Variants in COPZ1 observed in about 807,000 individuals in gnomAD.
COPZ1 encodes the protein coatomer subunit zeta-1.
A neutral mutation model predicts 31.7 loss-of-function variants in COPZ1; 4 were observed. The ratio of observed to expected loss-of-function variants is 0.13; its 90% CI spans 0.06 to 0.29. The LOEUF (loss-of-function observed/expected upper bound fraction) is 0.29, where lower values mean the gene tolerates loss of function less well. Ranked by LOEUF, COPZ1 falls within the 10% of genes least tolerant of loss-of-function variation. The probability of loss-of-function intolerance (pLI) is 1.00; values close to 1 mark genes in which losing one functional copy is unlikely to be tolerated. For missense variants in COPZ1, 156 were observed against 211.5 expected, an observed-to-expected ratio of 0.74 and a Z score of 1.63; for synonymous variants, 74 against 79.0, an observed-to-expected ratio of 0.94 and a Z score of 0.33.
intron 1 of COPZ1, among the ~76,000 whole-genome samples, chr12:54,339,574 T>C (rs1592204623): frequency 6.6e-6 from 1 of 152,080 alleles, no homozygotes; most frequent in East Asian, 1.9e-4. Context: ...GGTCTTGAAC[T>C]GGCCTTAAGC....
intron 1 of COPZ1, among the ~76,000 whole-genome samples, chr12:54,335,412 GT>G (rs36117905): frequency 1.3e-3 from 183 of 142,456 alleles, no homozygotes; most frequent in South Asian, 1.6e-3. Context: ...CTTAGGGAAT[GT>G]TTTTTTTTTT....
At chr12:54,350,410 C>A in intron 8 of COPZ1, 66 bp from the exon 9 acceptor site, 1 of 1,251,044 alleles carries the variant, frequency 8.0e-7, no homozygotes, top group Non-Finnish European at 1.2e-6. Flanking sequence ...GGAAGGAGAT[C>A]CCCAGCCCTC....
chr12:54,332,778 G>A (rs1483273986), intron 1 of COPZ1, among the ~76,000 whole-genome samples: 1 of 151,556 alleles, frequency 6.6e-6, no homozygotes, highest in African/African-American at 2.4e-5. Context: ...GAGGGAGCGT[G>A]GTTGCTGACC....
In COPZ1 at chr12:54,342,174, G is replaced by A. The variant is rs144942588; in HGVS notation, c.88-32G>A. 643 of 1,537,252 alleles carry A rather than the reference G, an allele frequency of 4.2e-4. 2 individuals are homozygous for A. The African/African-American group carries it at 7.9e-3, about 19-fold the overall frequency. Reference sequence around the variant, plus strand: ...AATCATTCTGGCTTCCAGCTCTAGTGACCCAACCCTGTCTTCTTTCCCTCT... The same window carrying A: ...AATCATTCTGGCTTCCAGCTCTAGTAACCCAACCCTGTCTTCTTTCCCTCT... On this transcript the variant is annotated intron_variant, in intron 2 of 8. Transcript: ENST00000262061.
Position 54,337,019 on chromosome 12 carries a change from CAAAAAAAAAAAA to C in COPZ1, c.19-3514_19-3503del, listed in dbSNP as rs1182592654. On this transcript the variant is annotated intron_variant, in intron 1 of 8. Coordinates refer to ENST00000262061, the MANE Select transcript of COPZ1 (RefSeq NM_016057.3). ...CCTGGGTGACAGAGAGAGACTGTCG[CAAAAAAAAAAAA>C]AAAAAAAAAAAAAGAAGCCCCTGAG... is the stretch of plus-strand genomic sequence containing the variant. Among the ~76,000 whole-genome samples, 259 of 61,654 alleles carry C rather than the reference CAAAAAAAAAAAA, an allele frequency of 4.2e-3. 3 individuals carry two copies. In the East Asian group the frequency reaches 0.048, roughly 11 times the overall value. 40.4% of individuals were successfully genotyped at this position (61,654 alleles called of 152,430 possible). A position where few individuals can be genotyped will look rare whatever the true frequency, so the allele number is the denominator to read the frequency against.
intron 1 of COPZ1, among the ~76,000 whole-genome samples, chr12:54,338,790 A>AG (rs1013184588): frequency 6.6e-6 from 1 of 152,374 alleles, no homozygotes; most frequent in East Asian, 1.9e-4. Flanking sequence ...GAATTCAAGT[A>AG]GGGAAAGCTT....
At chr12:54,325,395 G>A in intron 1 of COPZ1, 1 of 630,406 alleles carries the variant, frequency 1.6e-6, no homozygotes, top group Non-Finnish European at 2.7e-6. Flanking sequence ...TAGAGTCGGT[G>A]GAAAGTTGAA....
intron 4 of COPZ1, among the ~76,000 whole-genome samples, chr12:54,344,239 TCAGGAGTTCGCGAC>T (rs1954022228): frequency 1.3e-5 from 2 of 150,970 alleles, no homozygotes; most frequent in South Asian, 4.2e-4. Flanking sequence ...TCACTTGAGG[TCAGGAGTTCGCGAC>T]CAGGCTGGCC....
intron 1 of COPZ1, among the ~76,000 whole-genome samples, chr12:54,337,019 CAA>C (rs1182592654): frequency 3.2e-5 from 2 of 61,646 alleles, no homozygotes; most frequent in African/African-American, 8.1e-5. Context: ...GAGACTGTCG[CAA>C]AAAAAAAAAA....
At chr12:54,332,217 G>T (rs1953770407) in intron 1 of COPZ1, among the ~76,000 whole-genome samples, 1 of 152,088 alleles carries the variant, frequency 6.6e-6, no homozygotes. Context: ...AGCTACTCAG[G>T]AGGCTGAGGC....
intron 1 of COPZ1, among the ~76,000 whole-genome samples, chr12:54,339,980 CGTGTGTGTGTGTGTGTGTGTGT>C (rs10522684): frequency 1.5e-4 from 22 of 142,166 alleles, no homozygotes; most frequent in East Asian, 8.2e-4. Context: ...TGTGCCTGTG[CGTGTGTGTGTGTGTGTGTGTGT>C]GTGTGTGTGT....
At chr12:54,345,201 A>G (rs781222691) in intron 4 of COPZ1, 18 of 424,696 alleles carry the variant, frequency 4.2e-5, no homozygotes, top group African/African-American at 3.2e-4. Flanking sequence ...TGGTGAAGAC[A>G]TTGTAGAGGA....
At chr12:54,344,272 G>A (rs1216109107) in intron 4 of COPZ1, among the ~76,000 whole-genome samples, 3 of 151,674 alleles carry the variant, frequency 2.0e-5, no homozygotes, top group African/African-American at 4.9e-5. Flanking sequence ...CCAACATGGC[G>A]AAATCCCATC....
intron 1 of COPZ1, among the ~76,000 whole-genome samples, chr12:54,333,620 C>CT (rs995528683): frequency 1.3e-5 from 2 of 152,056 alleles, no homozygotes; most frequent in African/African-American, 2.4e-5. Context: ...GGCAGGACTC[C>CT]TTGAGCCCAG....
chr12:54,342,563 G>A (rs543847105), intron 3 of COPZ1: 16 of 450,768 alleles, frequency 3.5e-5, no homozygotes, highest in Non-Finnish European at 5.3e-5. Context: ...TTATTGTACC[G>A]CATCCATTAG....
chr12:54,342,433 A>G, intron 3 of COPZ1, 146 bp downstream of exon 3: 1 of 651,848 alleles, frequency 1.5e-6, no homozygotes, highest in Non-Finnish European at 2.7e-6. Context: ...ACTCTTCAGA[A>G]TGTAATGGGG....
chr12:54,342,312 A>T (rs1331681141), intron 3 of COPZ1, 25 bp downstream of exon 3: 1 of 1,554,684 alleles, frequency 6.4e-7, no homozygotes. Context: ...TTTCACTACT[A>T]CCCGTGCTGG....
chr12:54,341,072 C>G (rs1592205903), intron 2 of COPZ1, among the ~76,000 whole-genome samples: 1 of 152,172 alleles, frequency 6.6e-6, no homozygotes, highest in Non-Finnish European at 1.5e-5. Context: ...TACTGCTGCC[C>G]TGCTTGCTGT....
intron 1 of COPZ1, among the ~76,000 whole-genome samples, chr12:54,327,177 C>T (rs1258001832): frequency 6.6e-6 from 1 of 151,142 alleles, no homozygotes; most frequent in Non-Finnish European, 1.5e-5. Context: ...AACAGGGTTT[C>T]TCCATGTTTG....
Sources: gnomAD v4.1 joint callset for allele counts (sites outside exome capture counted in the v4.1 genomes callset) on GRCh38, gnomAD v4.1.1 for gene constraint, MANE v1.5 for transcripts, NCBI Gene and HGNC (gene_info 2026-07-23, HGNC 2026-07-21) for gene names.